MPPED2: variants seen among roughly 807,000 people sequenced by gnomAD.
MPPED2 encodes metallophosphoesterase MPPED2.
MPPED2 carries 5 observed loss-of-function variants against 33.0 expected under a neutral mutation model. The observed-to-expected ratio is 0.15, with a 90% CI of 0.08 to 0.32. MPPED2 has a LOEUF of 0.32. Ranked by LOEUF, MPPED2 falls within the 10% of genes least tolerant of loss-of-function variation. The pLI, the probability that MPPED2 is intolerant of heterozygous loss-of-function variation, is 1.00. For synonymous variants in MPPED2, 136 were observed against 141.9 expected (o/e 0.96, Z 0.29); for missense variants, 275 against 372.1 (o/e 0.74, Z 2.15).
At chr11:30,448,456 T>G (rs565953922) in intron 4 of MPPED2, among the ~76,000 whole-genome samples, 1 of 152,298 alleles carries the variant, frequency 6.6e-6, no homozygotes, top group South Asian at 2.1e-4. Context: ...GGCTTCTGAT[T>G]GTTACACGGG....
At chr11:30,418,328 C>T (rs1948466072) in intron 4 of MPPED2, among the ~76,000 whole-genome samples, 1 of 152,174 alleles carries the variant, frequency 6.6e-6, no homozygotes, top group African/African-American at 2.4e-5. Flanking sequence ...AGCCTTTTTC[C>T]ATCCCAGGAA....
intron 2 of MPPED2, among the ~76,000 whole-genome samples, chr11:30,553,977 T>C (rs1426174135): frequency 6.6e-6 from 1 of 152,202 alleles, no homozygotes; most frequent in Non-Finnish European, 1.5e-5. Flanking sequence ...CTAGGACTAT[T>C]GCTTCTTTTT....
Position 30,410,685 on chromosome 11 carries a change from C to A in MPPED2, c.*783G>T. 10 of 984,812 alleles carry A rather than the reference C, an allele frequency of 1.0e-5. No individual in the cohort carries two copies. The highest frequency in any genetic ancestry group is 1.2e-5 in the Non-Finnish European group (10 of 829,008). 61.0% of individuals were successfully genotyped at this position (984,812 alleles called of 1,614,324 possible). ...GTCCTTGACAATAATAAACTCCTAA[C>A]GTAGTCATAATACACAAAAAATACT... On this transcript the variant is annotated 3_prime_UTR_variant, in exon 7 of 7. Transcript: ENST00000358117.
At chr11:30,536,483 T>C (rs1282715968) in intron 2 of MPPED2, among the ~76,000 whole-genome samples, 1 of 152,220 alleles carries the variant, frequency 6.6e-6, no homozygotes, top group African/African-American at 2.4e-5. Context: ...AGTTTAGGGA[T>C]ACTGAACCTC....
At position 30,546,971 on chromosome 11, in the gene MPPED2, C is replaced by T. The variant is rs114838095; in HGVS notation, c.129-10796G>A. On this transcript the variant is annotated intron_variant, in intron 2 of 6. Coordinates refer to ENST00000358117, the MANE Select transcript of MPPED2 (RefSeq NM_001584.3). ...AGCCACAAAACTCACATAGTTCCCA[C>T]TCAACCAAAGAACTCATGAAAGACT... Among the ~76,000 whole-genome samples, 180 of 152,320 alleles carry T rather than the reference C, an allele frequency of 1.2e-3. 2 individuals carry two copies. The highest frequency in any genetic ancestry group is 4.2e-3 in the African/African-American group (174 of 41,578).
chr11:30,481,977 G>A (rs893940708), intron 4 of MPPED2, among the ~76,000 whole-genome samples: 2 of 151,898 alleles, frequency 1.3e-5, no homozygotes, highest in African/African-American at 4.8e-5. Context: ...GTACATATGT[G>A]CCAACCCACA....
chr11:30,489,147 A>G (rs1951866927), intron 4 of MPPED2, among the ~76,000 whole-genome samples: 1 of 151,806 alleles, frequency 6.6e-6, no homozygotes, highest in Non-Finnish European at 1.5e-5. Flanking sequence ...GAATTCTATC[A>G]TATGAGTTGC....
intron 4 of MPPED2, among the ~76,000 whole-genome samples, chr11:30,471,961 A>C (rs757204068): frequency 3.3e-5 from 5 of 152,154 alleles, no homozygotes; most frequent in Non-Finnish European, 5.9e-5. Flanking sequence ...ACAAAAAAAA[A>C]ACATTTTTCA....
chr11:30,577,919 C>CACCT (rs1956998347), intron 2 of MPPED2, among the ~76,000 whole-genome samples: 1 of 152,182 alleles, frequency 6.6e-6, no homozygotes, highest in Non-Finnish European at 1.5e-5. Flanking sequence ...GAGCATCTGT[C>CACCT]ACCTGCTCAG....
At chr11:30,395,154 A>G (rs543390636) in intron 6 of MPPED2, among the ~76,000 whole-genome samples, 5 of 152,248 alleles carry the variant, frequency 3.3e-5, no homozygotes, top group Non-Finnish European at 5.9e-5. Flanking sequence ...TTTCTGAATC[A>G]TTTTCTAACC....
chr11:30,457,714 G>T (rs1364846353), intron 4 of MPPED2, among the ~76,000 whole-genome samples: 1 of 152,178 alleles, frequency 6.6e-6, no homozygotes, highest in African/African-American at 2.4e-5. Flanking sequence ...TTTGAACATA[G>T]TTCGGAGTGC....
chr11:30,389,309 G>T (rs1326706627), intron 6 of MPPED2, among the ~76,000 whole-genome samples: 1 of 152,170 alleles, frequency 6.6e-6, no homozygotes, highest in Non-Finnish European at 1.5e-5. Flanking sequence ...ATATGAGGTG[G>T]AACATAGTGT....
At chr11:30,528,493 A>G (rs930677615) in intron 3 of MPPED2, among the ~76,000 whole-genome samples, 16 of 152,248 alleles carry the variant, frequency 1.1e-4, no homozygotes, top group Non-Finnish European at 2.4e-4. Context: ...CCTGACCTCA[A>G]GTGATCCACC....
chr11:30,425,475 A>G (rs1948793495), intron 4 of MPPED2: 1 of 152,178 alleles, frequency 6.6e-6, no homozygotes, highest in Non-Finnish European at 1.5e-5. Context: ...AATCTTGTAA[A>G]CAAGTTCATA....
chr11:30,522,305 G>A (rs1179813295), intron 3 of MPPED2, among the ~76,000 whole-genome samples: 1 of 151,664 alleles, frequency 6.6e-6, no homozygotes, highest in Non-Finnish European at 1.5e-5. Context: ...GAATATCCAT[G>A]TTCTTAGGAA....
At chr11:30,521,844 T>C (rs1953893988) in intron 3 of MPPED2, among the ~76,000 whole-genome samples, 1 of 152,122 alleles carries the variant, frequency 6.6e-6, no homozygotes, top group Admixed American at 6.5e-5. Context: ...CCCTTGGAGC[T>C]CTGTGACCCA....
At chr11:30,563,495 A>T (rs1178539251) in intron 2 of MPPED2, among the ~76,000 whole-genome samples, 1 of 152,168 alleles carries the variant, frequency 6.6e-6, no homozygotes, top group Non-Finnish European at 1.5e-5. Context: ...ACTTAGTGCC[A>T]AAAAATGAGA....
At chr11:30,499,046 C>T (rs1341197845) in intron 3 of MPPED2, among the ~76,000 whole-genome samples, 3 of 152,284 alleles carry the variant, frequency 2.0e-5, no homozygotes, top group African/African-American at 4.8e-5. Flanking sequence ...TGCTACTTGA[C>T]GTTCTAAGTG....
At chr11:30,521,011 A>T (rs1275603827) in intron 3 of MPPED2, among the ~76,000 whole-genome samples, 1 of 152,138 alleles carries the variant, frequency 6.6e-6, no homozygotes, top group Non-Finnish European at 1.5e-5. Context: ...TTTAAATGAA[A>T]ATGCACAACT....
Sources: gnomAD v4.1 joint callset for allele counts (sites outside exome capture counted in the v4.1 genomes callset) on GRCh38, gnomAD v4.1.1 for gene constraint, MANE v1.5 for transcripts, NCBI Gene and HGNC (gene_info 2026-07-23, HGNC 2026-07-21) for gene names.